LZTR1: variants seen among roughly 807,000 people sequenced by gnomAD.
LZTR1 encodes leucine-zipper-like transcriptional regulator 1.
In LZTR1, 260 loss-of-function variants were observed where a neutral mutation model predicts 105.7. The ratio of observed to expected loss-of-function variants is 2.46; its 90% CI spans 2.22 to 2.72. LZTR1 has a LOEUF of 2.72. Among genes scored for constraint, LZTR1 ranks in the 30% most tolerant of loss-of-function variants. The pLI is 0.00. For missense variants in LZTR1, 1,214 were observed against 1,166.9 expected, an observed-to-expected ratio of 1.04 and a Z score of -0.59; for synonymous variants, 490 against 476.4, an observed-to-expected ratio of 1.03 and a Z score of -0.37.
At position 20,997,288 on chromosome 22, in the gene LZTR1, A is replaced by G; in HGVS notation, c.2463A>G (p.Ile821Met). The change falls in exon 21 of 21, where the codon ATA becomes ATG. Residue 821 changes from isoleucine to methionine, a missense_variant. Coordinates refer to ENST00000646124, the MANE Select transcript of LZTR1 (RefSeq NM_006767.4). ...GCCAGCAGCTGCTGCTGGACATCAT[A>G]GACTCCCTGGCCTCCCACATCTCAG... ...SLSQQLLLDI[I>M]DSLASHISDK... is the part of the protein sequence containing the mutation. 6.2e-7 allele frequency: 1 copy of G among 1,613,838 alleles called. No homozygotes were observed. Among genetic ancestry groups the G allele is most frequent in the South Asian group, 1.1e-5 (1 of 91,082 alleles).
Position 20,997,441 on chromosome 22 carries a change from T to A in LZTR1, c.*93T>A. On this transcript the variant is annotated 3_prime_UTR_variant, in exon 21 of 21. Coordinates refer to ENST00000646124, the MANE Select transcript of LZTR1 (RefSeq NM_006767.4). ...CCGGCTATGCGCATGCCTATGGCAG[T>A]GGGTGCACCTGCCAGGCCAAGGGTC... The A allele has an allele frequency of 1.0e-6, 1 of 959,010 alleles. No individual in the cohort carries two copies. The highest frequency in any genetic ancestry group is 1.7e-6 in the Non-Finnish European group (1 of 603,666). The allele number at this position is 959,010 out of a possible 1,614,324, so 59.4% of individuals were successfully genotyped here.
At position 20,996,810 on chromosome 22, in the gene LZTR1, C is replaced by CG. The variant is rs1924871640; in HGVS notation, c.2325+9_2325+10insG. 1.2e-6 allele frequency: 2 copies of CG among 1,613,088 alleles called. No homozygotes were observed. Among genetic ancestry groups the CG allele is most frequent in the African/African-American group, 2.7e-5 (2 of 74,914 alleles). On this transcript the variant is annotated intron_variant, in intron 19 of 20. Transcript: ENST00000646124. ...TGCAGAACGTGCTGCAGGTAGCCCC[C>CG]CAGCCCCGTGCACATGGCTGCAGCT...
At chr22:20,988,282 C>G (rs1391966916) in intron 5 of LZTR1, among the ~76,000 whole-genome samples, 164 bp downstream of exon 5, 2 of 152,116 alleles carry the variant, frequency 1.3e-5, no homozygotes, top group Non-Finnish European at 2.9e-5. Context: ...ATGGCCTGCT[C>G]CCAGCCCTTA....
chr22:20,987,407 AAAAG>A (rs1924429700), intron 3 of LZTR1, 93 bp from the exon 4 acceptor site: 7 of 691,974 alleles, frequency 1.0e-5, no homozygotes, highest in South Asian at 8.5e-5. Context: ...AAAAAAAGAA[AAAAG>A]AAAGGCAGCA....
intron 2 of LZTR1, among the ~76,000 whole-genome samples, chr22:20,984,800 C>G (rs908385044): frequency 6.6e-6 from 1 of 152,318 alleles, no homozygotes; most frequent in South Asian, 2.1e-4. Context: ...CTGGGCATGA[C>G]GGGGCACTGG....
chr22:20,987,205 C>A, intron 3 of LZTR1: 1 of 276,678 alleles, frequency 3.6e-6, no homozygotes, highest in Non-Finnish European at 6.8e-6. Flanking sequence ...ACCAGCCTGG[C>A]CAACATGGTG....
At chr22:20,995,621 G>T (rs1211452129) in intron 16 of LZTR1, 125 bp from the exon 17 acceptor site, 3 of 1,185,508 alleles carry the variant, frequency 2.5e-6, no homozygotes, top group Non-Finnish European at 2.5e-6. Context: ...GGCGAGTGAG[G>T]CCTTCTGCCT....
intron 6 of LZTR1, 143 bp from the exon 7 acceptor site, chr22:20,989,482 C>T (rs1455087502): frequency 2.7e-6 from 2 of 735,046 alleles, no homozygotes; most frequent in Non-Finnish European, 4.9e-6. Context: ...CCACCCCACA[C>T]AGAAGTTCCC....
At chr22:20,987,404 G>GA (rs370899921) in intron 3 of LZTR1, 100 bp from the exon 4 acceptor site, 19 of 566,100 alleles carry the variant, frequency 3.4e-5, no homozygotes, top group African/African-American at 2.1e-4. Context: ...AAAAAAAAAA[G>GA]AAAAAAGAAA....
Position 20,993,730 on chromosome 22 carries a change from C to T in LZTR1, c.1329C>T (p.Cys443=), listed in dbSNP as rs145473401. 1.1e-4 allele frequency: 180 copies of T among 1,613,358 alleles called. No homozygotes were observed. The highest frequency in any genetic ancestry group is 1.1e-3 in the Admixed American group (65 of 60,010). Residue 443 remains cysteine, a synonymous_variant, in exon 12 of 21, where the codon TGC becomes TGT. Coordinates refer to ENST00000646124, the MANE Select transcript of LZTR1 (RefSeq NM_006767.4). ...GGCTGTGGGAGAGCCGCCAGTTCTG[C>T]GACGTGGAGTTCGTGCTGGGTGAGG... The part of the protein sequence containing the change: ...YGRLWESRQF[C]DVEFVLGEKE...
Position 20,990,394 on chromosome 22 carries a change from G to A in LZTR1, c.660G>A (p.Gln220=), listed in dbSNP as rs1924562382. Residue 220 remains glutamine (Q), a synonymous_variant, in exon 8 of 21, where the codon CAG becomes CAA. Transcript: ENST00000646124. ...GTCCTCTCCCCCTGCAGGTGGCCCA[G>A]AGTGGCGAGATCCCCCCATCTTGCT... is the stretch of plus-strand genomic sequence containing the variant. ...RELTCWEEVA[Q]SGEIPPSCCN... The A allele has an allele frequency of 1.2e-6, 2 of 1,614,048 alleles. No homozygotes were observed. Among genetic ancestry groups the A allele is most frequent in the African/African-American group, 2.7e-5 (2 of 74,936 alleles).
chr22:20,995,081 G>T (rs539358204), intron 16 of LZTR1, 55 bp downstream of exon 16: 27 of 1,553,608 alleles, frequency 1.7e-5, no homozygotes, highest in Non-Finnish European at 2.2e-5. Flanking sequence ...GTTCATCTGC[G>T]GTAGGAGATT....
chr22:20,985,303 G>A (rs1247759733), intron 2 of LZTR1, among the ~76,000 whole-genome samples: 5 of 151,868 alleles, frequency 3.3e-5, no homozygotes, highest in Non-Finnish European at 4.4e-5. Context: ...CAAGTGATCC[G>A]CCCGCCTAGG....
In LZTR1 at chr22:20,992,845, T is replaced by C; in HGVS notation, c.1201T>C (p.Tyr401His). The change falls in exon 11 of 21, where the codon TAC becomes CAC. Residue 401 changes from tyrosine (Y) to histidine (H), a missense_variant. Tyr to His is a moderately conservative substitution (Grantham distance 83). Coordinates refer to ENST00000646124, the MANE Select transcript of LZTR1 (RefSeq NM_006767.4). The stretch of plus-strand genomic sequence containing the variant: ...GGCTGCTGTCATCTCGGACGCCATG[T>C]ACATCTTCGGGGGCACGGTGGACAA... ...HAAAVISDAM[Y>H]IFGGTVDNNI... 6.2e-7 allele frequency: 1 copy of C among 1,610,254 alleles called. No homozygotes were observed.
intron 5 of LZTR1, 28 bp from the exon 6 acceptor site, chr22:20,988,761 C>A (rs777558226): frequency 1.3e-6 from 2 of 1,587,604 alleles, no homozygotes; most frequent in South Asian, 1.1e-5. Context: ...GGCGGCCTCA[C>A]TCCCTCCCCT....
rs749968537 is a variant in LZTR1, at chr22:20,986,225, T to C, written c.320+328T>C. 8.0e-5 allele frequency: 20 copies of C among 249,592 alleles called. No homozygotes were observed. The Middle Eastern group carries it at 3.8e-3, about 47-fold the overall frequency. 15.5% of individuals were successfully genotyped at this position (249,592 alleles called of 1,614,324 possible). On this transcript the variant is annotated intron_variant, in intron 3 of 20. Coordinates refer to ENST00000646124, the MANE Select transcript of LZTR1 (RefSeq NM_006767.4). ...CTCACACTTGATTTTGTAAGATGGCTAGTAGTTACAAATTAATTTAAAAAA... is the reference window on the plus strand; with the variant it reads ...CTCACACTTGATTTTGTAAGATGGCCAGTAGTTACAAATTAATTTAAAAAA...
At position 20,995,738 on chromosome 22, in the gene LZTR1, AC is replaced by A. The variant is rs1271630029; in HGVS notation, c.1943-3del. ...GCTGTACCTGCTCAGGGACCCTCCT[AC>A]CCCCAGGCACATCTCTGATCCAGGA... On this transcript the variant is annotated splice_region_variant and splice_polypyrimidine_tract_variant and intron_variant, in intron 16 of 20. Transcript: ENST00000646124. 1.9e-6 allele frequency: 3 copies of A among 1,613,188 alleles called. No individual in the cohort carries two copies. Among genetic ancestry groups the A allele is most frequent in the Non-Finnish European group, 2.5e-6 (3 of 1,179,916 alleles).
intron 11 of LZTR1, 158 bp from the exon 12 acceptor site, chr22:20,993,504 G>C (rs990780865): frequency 9.7e-6 from 6 of 616,722 alleles, no homozygotes; most frequent in African/African-American, 5.5e-5. Flanking sequence ...TTTTCAGGGT[G>C]GGGTAGCGGC....
At chr22:20,992,106 C>G (rs1360267235) in intron 9 of LZTR1, 108 bp from the exon 10 acceptor site, 2 of 1,140,866 alleles carry the variant, frequency 1.8e-6, no homozygotes, top group Non-Finnish European at 2.5e-6. Context: ...GGCCATGCAG[C>G]TCTTCCTTCT....
Sources: allele counts gnomAD v4.1 joint callset (sites outside exome capture counted in the v4.1 genomes callset), GRCh38; gene constraint gnomAD v4.1.1; transcripts MANE v1.5; gene names NCBI Gene and HGNC (gene_info 2026-07-23, HGNC 2026-07-21).